PTGES3: variants seen among roughly 807,000 people sequenced by gnomAD.
The protein encoded by PTGES3 is Hsp90 co-chaperone.
Under a neutral mutation model 29.9 loss-of-function variants are expected in PTGES3, and 5 were observed. That is an observed-to-expected ratio of 0.17 (90% confidence interval 0.09 to 0.35). PTGES3 has a LOEUF of 0.35. Among genes scored for constraint, PTGES3 ranks in the 10% least tolerant of loss-of-function variants. The probability of loss-of-function intolerance (pLI) is 1.00; values close to 1 mark genes in which losing one functional copy is unlikely to be tolerated. For missense variants in PTGES3, 128 were observed against 190.0 expected (o/e 0.67, Z 1.92); for synonymous variants, 49 against 57.8 (o/e 0.85, Z 0.69).
In PTGES3 at chr12:56,672,732, C is replaced by T. The variant is rs201638990; in HGVS notation, c.186+8G>A. ...TAAAATTTGGATTAAAGCATAAAGA[C>T]TACTTACATTTGGATCAATACAGTG... On this transcript the variant is annotated splice_region_variant and intron_variant, in intron 3 of 7. Coordinates refer to ENST00000262033, the MANE Select transcript of PTGES3 (RefSeq NM_006601.7). 1,654 of 1,550,866 alleles carry T rather than the reference C, an allele frequency of 1.1e-3. 35 individuals are homozygous for T. The South Asian group carries it at 0.019, about 18-fold the overall frequency.
chr12:56,666,876 C>T (rs1210829681), intron 5 of PTGES3, among the ~76,000 whole-genome samples: 1 of 152,196 alleles, frequency 6.6e-6, no homozygotes, highest in African/African-American at 2.4e-5. Context: ...ATCCACCCAC[C>T]TTGGCCTCCC....
intron 5 of PTGES3, among the ~76,000 whole-genome samples, chr12:56,667,660 T>C (rs907205340): frequency 1.3e-5 from 2 of 152,142 alleles, no homozygotes; most frequent in Non-Finnish European, 2.9e-5. Context: ...GAGAGTAGAA[T>C]GGTAGATGCC....
At position 56,673,025 on chromosome 12, in the gene PTGES3, C is replaced by T. The variant is rs1259499445; in HGVS notation, c.43G>A (p.Val15Ile). 6.2e-7 allele frequency: 1 copy of T among 1,609,360 alleles called. No homozygotes were observed. Among genetic ancestry groups the T allele is most frequent in the African/African-American group, 1.3e-5 (1 of 74,756 alleles). ...SAKWYDRRDY[V>I]FIEFCVEDSK... ...TCTTCAACACAAAATTCAATGAAGA[C>T]ATAGTCCCTTCGATCGTACCACTTT... The change falls in exon 2 of 8, where the codon GTC (valine) becomes ATC (isoleucine). Residue 15 changes from valine to isoleucine, a missense_variant. By Grantham distance (29) the Val-to-Ile change is conservative. Coordinates refer to ENST00000262033, the MANE Select transcript of PTGES3 (RefSeq NM_006601.7).
At chr12:56,686,509 G>C (rs943611084) in intron 1 of PTGES3, among the ~76,000 whole-genome samples, 1 of 151,992 alleles carries the variant, frequency 6.6e-6, no homozygotes, top group Non-Finnish European at 1.5e-5. Context: ...CGAGTAGCTG[G>C]GATTACAGGC....
intron 1 of PTGES3, among the ~76,000 whole-genome samples, chr12:56,685,747 T>C (rs1164101420): frequency 1.4e-5 from 2 of 147,300 alleles, no homozygotes; most frequent in South Asian, 2.1e-4. Context: ...CTTTTTGGAA[T>C]AGTCTCTCTA....
chr12:56,665,141 T>TCCTA, intron 6 of PTGES3: 12 of 985,330 alleles, frequency 1.2e-5, no homozygotes, highest in Non-Finnish European at 1.4e-5. Flanking sequence ...TGAACTCTAA[T>TCCTA]CCTAGCTGTT....
intron 1 of PTGES3, among the ~76,000 whole-genome samples, chr12:56,676,440 A>G (rs1952252659): frequency 6.6e-6 from 1 of 152,156 alleles, no homozygotes; most frequent in African/African-American, 2.4e-5. Flanking sequence ...TGGAGTCCTG[A>G]GAGTCTAAAA....
intron 6 of PTGES3, chr12:56,665,043 C>G (rs532496414): frequency 1.1e-4 from 109 of 985,082 alleles, no homozygotes; most frequent in Non-Finnish European, 1.3e-4. Context: ...TTAGCCCACC[C>G]GTTGAATCCA....
At chr12:56,667,306 T>C (rs1442702161) in intron 5 of PTGES3, among the ~76,000 whole-genome samples, 1 of 152,232 alleles carries the variant, frequency 6.6e-6, no homozygotes, top group Non-Finnish European at 1.5e-5. Context: ...GAAACTTATT[T>C]TCTCAAGTTT....
intron 4 of PTGES3, 127 bp downstream of exon 4, chr12:56,671,622 T>C (rs895318615): frequency 1.2e-5 from 6 of 481,792 alleles, no homozygotes; most frequent in Non-Finnish European, 2.2e-5. Context: ...ACAAAAAACA[T>C]GAACATGAGG....
chr12:56,682,492 G>A (rs1952589649), intron 1 of PTGES3, among the ~76,000 whole-genome samples: 1 of 152,022 alleles, frequency 6.6e-6, no homozygotes, highest in African/African-American at 2.4e-5. Context: ...TCCCAAGTTT[G>A]AGGCTGCAGA....
At chr12:56,666,986 C>T (rs993613108) in intron 5 of PTGES3, among the ~76,000 whole-genome samples, 1 of 152,014 alleles carries the variant, frequency 6.6e-6, no homozygotes, top group Non-Finnish European at 1.5e-5. Flanking sequence ...GCAGCACAAT[C>T]TCGGCTCACT....
rs978359771 is a variant in PTGES3 at position 56,687,023 on chromosome 12, A to C, written c.2+975T>G. 11 of 391,812 alleles carry C rather than the reference A, an allele frequency of 2.8e-5. 1 individual carries two copies. The highest frequency in any genetic ancestry group is 6.2e-5 in the African/African-American group (3 of 48,278). 24.3% of individuals were successfully genotyped at this position (391,812 alleles called of 1,614,324 possible). ...CTCCCGTCAAAAAAAAAAAAAAAAA[A>C]AAAAAAACCCTGTAAAACCGGCAGT... is the stretch of plus-strand genomic sequence containing the variant. On this transcript the variant is annotated intron_variant, in intron 1 of 7. Coordinates refer to ENST00000262033, the MANE Select transcript of PTGES3 (RefSeq NM_006601.7).
At position 56,664,297 on chromosome 12, in the gene PTGES3, A is replaced by G; in HGVS notation, c.*182T>C. 5.2e-6 allele frequency: 3 copies of G among 577,658 alleles called. No individual in the cohort carries two copies. Among genetic ancestry groups the G allele is most frequent in the Non-Finnish European group, 9.0e-6 (3 of 331,636 alleles). The allele number at this position is 577,658 out of a possible 1,614,324, so 35.8% of individuals were successfully genotyped here. On this transcript the variant is annotated 3_prime_UTR_variant, in exon 8 of 8. Coordinates refer to ENST00000262033, the MANE Select transcript of PTGES3 (RefSeq NM_006601.7). ...CTTAGCTGACTTAAAATTGCCCCAT[A>G]CAATGGTACATATCAACCCTTAGTG...
chr12:56,682,545 G>A (rs1439325707), intron 1 of PTGES3, among the ~76,000 whole-genome samples: 1 of 151,908 alleles, frequency 6.6e-6, no homozygotes, highest in Non-Finnish European at 1.5e-5. Context: ...AAAGTAGTGA[G>A]ACAGTGTCTC....
intron 1 of PTGES3, among the ~76,000 whole-genome samples, chr12:56,683,786 C>T (rs1246632504): frequency 1.3e-5 from 2 of 151,230 alleles, no homozygotes; most frequent in Admixed American, 6.6e-5. Flanking sequence ...GGTGAAACCC[C>T]GTCTCTACTA....
At chr12:56,671,512 T>C (rs767053818) in intron 4 of PTGES3, among the ~76,000 whole-genome samples, 18 of 152,232 alleles carry the variant, frequency 1.2e-4, no homozygotes, top group Non-Finnish European at 2.2e-4. Flanking sequence ...TCCCATGTGA[T>C]AGCTGAGTAA....
At chr12:56,667,736 A>T (rs986179245) in intron 5 of PTGES3, among the ~76,000 whole-genome samples, 34 of 152,230 alleles carry the variant, frequency 2.2e-4, no homozygotes, top group African/African-American at 7.2e-4. Flanking sequence ...CCAATTACAC[A>T]AAATGCATAG....
intron 1 of PTGES3, among the ~76,000 whole-genome samples, chr12:56,682,596 G>A (rs1203820944): frequency 6.6e-6 from 1 of 151,690 alleles, no homozygotes; most frequent in Non-Finnish European, 1.5e-5. Flanking sequence ...AAGTTCAAAG[G>A]TATACCAAGG....
Sources: gnomAD v4.1 joint callset for allele counts (sites outside exome capture counted in the v4.1 genomes callset) on GRCh38, gnomAD v4.1.1 for gene constraint, MANE v1.5 for transcripts, NCBI Gene and HGNC (gene_info 2026-07-23, HGNC 2026-07-21) for gene names.